Variants in VRTN observed in about 807,000 individuals in gnomAD.
VRTN encodes the protein vertebrae development associated, also known as vertnin.
Under a neutral mutation model 18.2 loss-of-function variants are expected in VRTN, and 5 were observed. The observed-to-expected ratio is 0.27, with a 90% CI of 0.14 to 0.58. The LOEUF is 0.58. VRTN is among the 20% of genes least tolerant of loss of function. The pLI is 0.91. For synonymous variants in VRTN, 381 were observed against 393.7 expected (o/e 0.97, Z 0.38); for missense variants, 741 against 939.4 (o/e 0.79, Z 2.76).
intron 1 of VRTN, among the ~76,000 whole-genome samples, chr14:74,324,387 C>T (rs1161004837): frequency 2.9e-3 from 213 of 73,176 alleles, no homozygotes; most frequent in East Asian, 5.1e-3. Context: ...GACTCTGACT[C>T]AAAAAAAAAA....
upstream of VRTN, among the ~76,000 whole-genome samples, chr14:74,344,184 G>A (rs1238412072): frequency 7.4e-5 from 10 of 136,008 alleles, no homozygotes; most frequent in Admixed American, 7.6e-4. Context: ...CAAAGGGGGA[G>A]GATCACTTGA....
chr14:74,344,671 G>A (rs1389525944), upstream of VRTN, among the ~76,000 whole-genome samples: 4 of 139,698 alleles, frequency 2.9e-5, no homozygotes, highest in African/African-American at 1.1e-4. Context: ...GGAGGCAGAG[G>A]TTGCAGTGAG....
intron 1 of VRTN, among the ~76,000 whole-genome samples, chr14:74,332,719 A>G (rs564005245): frequency 4.2e-4 from 64 of 151,214 alleles, no homozygotes; most frequent in African/African-American, 1.4e-3. Flanking sequence ...TGTCCCATCA[A>G]CTCTTTTTAC....
At chr14:74,346,533 C>G (rs2085645614), upstream of VRTN, among the ~76,000 whole-genome samples, 1 of 152,128 alleles carries the variant, frequency 6.6e-6, no homozygotes, top group Non-Finnish European at 1.5e-5. Context: ...CTGGCCCCAG[C>G]CTTCCGAGTA....
intron 1 of VRTN, among the ~76,000 whole-genome samples, chr14:74,335,107 C>T (rs1319624139): frequency 6.6e-6 from 1 of 152,114 alleles, no homozygotes; most frequent in Non-Finnish European, 1.5e-5. Flanking sequence ...CATGGTGAAA[C>T]CTTGTCTCTA....
chr14:74,340,084 T>A (rs1376124456), intron 2 of VRTN, among the ~76,000 whole-genome samples: 1 of 149,714 alleles, frequency 6.7e-6, no homozygotes, highest in Non-Finnish European at 1.5e-5. Flanking sequence ...TACAGGTGTG[T>A]GCCACCACAC....
In VRTN at chr14:74,357,728, C is replaced by T. The variant is rs376813600; in HGVS notation, c.945C>T (p.Ser315=). 1.7e-5 allele frequency: 27 copies of T among 1,613,392 alleles called. No individual in the cohort carries two copies. The highest frequency in any genetic ancestry group is 1.6e-4 in the Middle Eastern group (1 of 6,084). The stretch of plus-strand genomic sequence containing the variant: ...GGCAGAAGGTTGCTGCCCGCTTCTC[C>T]GCCAAGCACTTCCTGCAGGACAGCT... The part of the protein sequence containing the change: ...EHRQKVAARF[S]AKHFLQDSFH... Residue 315 remains serine (S), a synonymous_variant, in exon 2 of 2, where the codon TCC becomes TCT. Coordinates refer to ENST00000256362, the MANE Select transcript of VRTN (RefSeq NM_018228.3). The surrounding 1 kb of genome is among the most constrained non-coding windows in gnomAD (Gnocchi z 7.8).
At chr14:74,328,533 C>T (rs2085501912) in intron 1 of VRTN, among the ~76,000 whole-genome samples, 1 of 152,178 alleles carries the variant, frequency 6.6e-6, no homozygotes, top group Non-Finnish European at 1.5e-5. Context: ...TTGTTTACTG[C>T]AACACTGTTT....
chr14:74,337,477 A>T lies in VRTN; in HGVS notation c.-163-246A>T, dbSNP rs549767742. On this transcript the variant is annotated intron_variant, in intron 1 of 2. Coordinates refer to the VRTN transcript ENST00000557177. ...AGGAGTTGGGAGTAAACTAACCAAGACCAAAGATACTAGGCCTGAGAGGAA... is the reference window on the plus strand; with the variant it reads ...AGGAGTTGGGAGTAAACTAACCAAGTCCAAAGATACTAGGCCTGAGAGGAA... 5.3e-5 allele frequency among the ~76,000 whole-genome samples: 8 copies of T among 152,276 alleles called. No individual in the cohort carries two copies. The South Asian group carries it at 1.2e-3, about 24-fold the overall frequency.
intron 1 of VRTN, among the ~76,000 whole-genome samples, chr14:74,324,757 G>A (rs1311590993): frequency 0.015 from 1 of 66 alleles, no homozygotes; most frequent in African/African-American, 0.056. Flanking sequence ...GCGTGGTGGC[G>A]CATGCTATGG....
At position 74,358,051 on chromosome 14, in the gene VRTN, G is replaced by C. The variant is rs772486483; in HGVS notation, c.1268G>C (p.Cys423Ser). Residue 423 changes from cysteine to serine, a missense_variant, in exon 2 of 2, where the codon TGC (cysteine) becomes TCC (serine). Coordinates refer to ENST00000256362, the MANE Select transcript of VRTN (RefSeq NM_018228.3). This position sits in a 1 kb window ranked among gnomAD's most constrained non-coding sequence, Gnocchi z 5.4. Reference protein sequence around the residue: ...ISLNTLVPYRCFKRRFPGISR... With the variant: ...ISLNTLVPYRSFKRRFPGISR... ...CTGAACACACTGGTACCCTATCGCT[G>C]CTTCAAACGCAGGTTCCCTGGCATC... 1.2e-5 allele frequency: 20 copies of C among 1,614,106 alleles called. No homozygotes were observed. The highest frequency in any genetic ancestry group is 1.7e-5 in the Admixed American group (1 of 60,016).
chr14:74,339,803 AC>A (rs1428016626), intron 2 of VRTN, among the ~76,000 whole-genome samples: 1 of 152,166 alleles, frequency 6.6e-6, no homozygotes, highest in Non-Finnish European at 1.5e-5. Flanking sequence ...AACAGAGAAG[AC>A]CCTGTCTCAA....
At chr14:74,318,904 C>T (rs977290128) in intron 1 of VRTN, among the ~76,000 whole-genome samples, 2 of 148,792 alleles carry the variant, frequency 1.3e-5, no homozygotes, top group African/African-American at 2.5e-5. Context: ...TAGTAGAGAC[C>T]GGGTTTCACC....
upstream of VRTN, among the ~76,000 whole-genome samples, chr14:74,344,750 A>AAAAAAAAAAGT (rs1410658975): frequency 2.8e-3 from 356 of 128,028 alleles, 8 homozygotes; most frequent in Middle Eastern, 0.012. Flanking sequence ...AAAAAAAATG[A>AAAAAAAAAAGT]AAAAAAGAAA....
intron 1 of VRTN, 35 bp from the exon 2 acceptor site, chr14:74,356,748 C>T (rs748806117): frequency 6.5e-7 from 1 of 1,540,150 alleles, no homozygotes; most frequent in Non-Finnish European, 8.8e-7. Flanking sequence ...GGCACTTCGA[C>T]CTGACTACTG....
chr14:74,343,516 A>T (rs147539436), upstream of VRTN, among the ~76,000 whole-genome samples: 3 of 152,314 alleles, frequency 2.0e-5, no homozygotes, highest in African/African-American at 7.2e-5. Flanking sequence ...ATACTTGTAC[A>T]TGTGGAAAAT....
At chr14:74,348,174 C>T (rs544269489), upstream of VRTN, among the ~76,000 whole-genome samples, 4 of 152,206 alleles carry the variant, frequency 2.6e-5, no homozygotes, top group Non-Finnish European at 5.9e-5. Flanking sequence ...TGGCCACAGA[C>T]TTTCTTCCCC....
At chr14:74,320,921 A>AAAGC (rs1555410592) in intron 1 of VRTN, among the ~76,000 whole-genome samples, 31 of 144,058 alleles carry the variant, frequency 2.2e-4, no homozygotes, top group African/African-American at 6.3e-4. Flanking sequence ...AAAAAAAAAA[A>AAAGC]AGCAGCAGCA....
At chr14:74,345,549 A>G (rs1049415172), upstream of VRTN, among the ~76,000 whole-genome samples, 4 of 151,292 alleles carry the variant, frequency 2.6e-5, no homozygotes, top group African/African-American at 9.7e-5. Context: ...ACAAGGTTTC[A>G]CCATGTTGGT....
Sources: allele counts gnomAD v4.1 joint callset (sites outside exome capture counted in the v4.1 genomes callset), GRCh38; gene constraint gnomAD v4.1.1; non-coding constraint Gnocchi (gnomAD v3.1); transcripts MANE v1.5; gene names NCBI Gene and HGNC (gene_info 2026-07-23, HGNC 2026-07-21).